Variants in CACNA2D1 observed in about 807,000 individuals in gnomAD.
CACNA2D1 encodes calcium voltage-gated channel auxiliary subunit alpha2delta 1, also known as voltage-dependent calcium channel subunit alpha-2/delta-1.
In CACNA2D1, 53 loss-of-function variants were observed where a neutral mutation model predicts 171.5. The ratio of observed to expected loss-of-function variants is 0.31; its 90% CI spans 0.25 to 0.39. The LOEUF is 0.39. Ranked by LOEUF, CACNA2D1 falls within the 10% of genes least tolerant of loss-of-function variation. CACNA2D1 has a pLI of 1.00. For missense variants in CACNA2D1, 903 were observed against 1,299.8 expected, an observed-to-expected ratio of 0.69 and a Z score of 4.69; for synonymous variants, 442 against 443.1, an observed-to-expected ratio of 1.00 and a Z score of 0.03.
At chr7:82,219,217 A>G (rs1801492201) in intron 3 of CACNA2D1, among the ~76,000 whole-genome samples, 1 of 152,174 alleles carries the variant, frequency 6.6e-6, no homozygotes, top group Non-Finnish European at 1.5e-5. Flanking sequence ...TGCAGAAAAA[A>G]GTGGCACAGG....
At chr7:81,985,604 T>C (rs1394209559) in intron 21 of CACNA2D1, among the ~76,000 whole-genome samples, 3 of 152,184 alleles carry the variant, frequency 2.0e-5, no homozygotes, top group African/African-American at 7.2e-5. Context: ...CATAGGCAAA[T>C]TCAGATTCCT....
chr7:81,976,643 A>C (rs1165957832), intron 24 of CACNA2D1, among the ~76,000 whole-genome samples: 1 of 152,134 alleles, frequency 6.6e-6, no homozygotes, highest in Non-Finnish European at 1.5e-5. Context: ...TCACGAGGTC[A>C]AGAGTTTCAG....
At chr7:82,164,532 C>T (rs1489993057) in intron 4 of CACNA2D1, among the ~76,000 whole-genome samples, 1 of 151,972 alleles carries the variant, frequency 6.6e-6, no homozygotes, top group East Asian at 1.9e-4. Context: ...GAAAAGAATA[C>T]TGTTCTAGGG....
chr7:82,201,011 G>C (rs1162862783), intron 3 of CACNA2D1, among the ~76,000 whole-genome samples: 3 of 152,086 alleles, frequency 2.0e-5, no homozygotes, highest in African/African-American at 7.2e-5. Context: ...ATCTCAAAGT[G>C]TATATGTTTA....
intron 31 of CACNA2D1, 61 bp downstream of exon 31, chr7:81,967,108 C>A: frequency 7.7e-7 from 1 of 1,296,134 alleles, no homozygotes; most frequent in South Asian, 1.2e-5. Context: ...TCACTATAGT[C>A]TTAGCAAGAG....
chr7:82,411,346 T>C (rs533917400), intron 1 of CACNA2D1, among the ~76,000 whole-genome samples: 64 of 152,326 alleles, frequency 4.2e-4, no homozygotes, highest in African/African-American at 1.5e-3. Context: ...TATTAACTGC[T>C]CAATACTTCA....
intron 1 of CACNA2D1, among the ~76,000 whole-genome samples, chr7:82,403,262 T>C (rs1171799281): frequency 1.3e-5 from 2 of 152,184 alleles, no homozygotes; most frequent in African/African-American, 4.8e-5. Context: ...CCAGACTGAT[T>C]AGAGAAAGAT....
intron 16 of CACNA2D1, among the ~76,000 whole-genome samples, chr7:82,006,816 T>C (rs1254559976): frequency 6.6e-6 from 1 of 152,126 alleles, no homozygotes; most frequent in Non-Finnish European, 1.5e-5. Context: ...AACTGTTTTC[T>C]ATGGCCACCT....
At chr7:82,150,064 T>C (rs906903857) in intron 4 of CACNA2D1, among the ~76,000 whole-genome samples, 11 of 151,700 alleles carry the variant, frequency 7.3e-5, no homozygotes, top group African/African-American at 2.7e-4. Context: ...ATGCAGTGAG[T>C]GTTTTAAAAT....
intron 3 of CACNA2D1, among the ~76,000 whole-genome samples, chr7:82,229,704 T>G (rs1802713003): frequency 6.6e-6 from 1 of 151,776 alleles, no homozygotes; most frequent in African/African-American, 2.4e-5. Context: ...TTATTTTATT[T>G]TATTTTAATA....
At chr7:82,356,238 G>A (rs1449086758) in intron 1 of CACNA2D1, among the ~76,000 whole-genome samples, 1 of 152,124 alleles carries the variant, frequency 6.6e-6, no homozygotes, top group East Asian at 1.9e-4. Flanking sequence ...TTTAGAAAAG[G>A]TAAGCAACAC....
intron 7 of CACNA2D1, among the ~76,000 whole-genome samples, chr7:82,083,145 T>A (rs1349682096): frequency 6.6e-6 from 1 of 151,934 alleles, no homozygotes; most frequent in Non-Finnish European, 1.5e-5. Context: ...AATTTTCTTT[T>A]AATTATCATT....
chr7:82,432,002 C>T (rs533333133), intron 1 of CACNA2D1, among the ~76,000 whole-genome samples: 1 of 138,892 alleles, frequency 7.2e-6, no homozygotes, highest in South Asian at 2.2e-4. Flanking sequence ...CACGCCACTC[C>T]ACTCCAGCCT....
At chr7:82,367,273 T>C (rs1202490383) in intron 1 of CACNA2D1, among the ~76,000 whole-genome samples, 2 of 152,108 alleles carry the variant, frequency 1.3e-5, no homozygotes, top group African/African-American at 4.8e-5. Flanking sequence ...TGGTTTTGAT[T>C]TGCATTTCTC....
At chr7:82,422,898 A>T (rs919312957) in intron 1 of CACNA2D1, among the ~76,000 whole-genome samples, 2 of 152,066 alleles carry the variant, frequency 1.3e-5, no homozygotes, top group African/African-American at 4.8e-5. Context: ...AAAAAAAAAA[A>T]ATTTCCATGC....
At chr7:82,020,517 C>T (rs569901878) in intron 12 of CACNA2D1, among the ~76,000 whole-genome samples, 117 of 152,068 alleles carry the variant, frequency 7.7e-4, no homozygotes, top group African/African-American at 2.7e-3. Context: ...AAATTGTAAG[C>T]TCTGTAAGTA....
chr7:81,970,142 C>A (rs1466831857), intron 27 of CACNA2D1, among the ~76,000 whole-genome samples, 158 bp from the exon 28 acceptor site: 1 of 151,370 alleles, frequency 6.6e-6, no homozygotes, highest in African/African-American at 2.4e-5. Flanking sequence ...CATTACTGAG[C>A]AATGCATCAG....
intron 12 of CACNA2D1, among the ~76,000 whole-genome samples, chr7:82,017,109 A>T (rs1397035769): frequency 6.6e-6 from 1 of 152,102 alleles, no homozygotes; most frequent in African/African-American, 2.4e-5. Flanking sequence ...ATGTATATAT[A>T]CACACACATA....
chr7:82,174,446 T>C (rs1396472477), intron 3 of CACNA2D1, among the ~76,000 whole-genome samples: 2 of 152,106 alleles, frequency 1.3e-5, no homozygotes, highest in Non-Finnish European at 2.9e-5. Flanking sequence ...GTTAAGAATG[T>C]ATACATCCCT....
Sources: allele counts gnomAD v4.1 joint callset (sites outside exome capture counted in the v4.1 genomes callset), GRCh38; gene constraint gnomAD v4.1.1; transcripts MANE v1.5; gene names NCBI Gene and HGNC (gene_info 2026-07-23, HGNC 2026-07-21).